The following TRAK1 variants were observed in gnomAD, a reference collection of about 807,000 sequenced individuals.
The protein encoded by TRAK1 is trafficking kinesin-binding protein 1.
A neutral mutation model predicts 92.1 loss-of-function variants in TRAK1; 33 were observed. The ratio of observed to expected loss-of-function variants is 0.36; its 90% CI spans 0.27 to 0.48. TRAK1 has a LOEUF of 0.48. Among genes scored for constraint, TRAK1 ranks in the 20% least tolerant of loss-of-function variants. The pLI, the probability that TRAK1 is intolerant of heterozygous loss-of-function variation, is 0.99. For missense variants in TRAK1, 1,123 were observed against 1,257.9 expected (o/e 0.89, Z 1.62); for synonymous variants, 521 against 517.3 (o/e 1.01, Z -0.10).
rs1301752089 is a variant in TRAK1, at chr3:42,223,427, G to T, written c.2552G>T (p.Gly851Val). The change falls in exon 16 of 16, where the codon GGG becomes GTG. Residue 851 changes from glycine (G) to valine (V), a missense_variant. Coordinates refer to ENST00000327628, the MANE Select transcript of TRAK1 (RefSeq NM_001042646.3). This position sits in a 1 kb window ranked among gnomAD's most constrained non-coding sequence, Gnocchi z 6.1. ...LNLVDKVRRF[G>V]VAKVVNSGRA... ...CTCGTGGACAAAGTCAGGAGGTTTG[G>T]GGTGGCCAAAGTGGTGAACTCAGGG... 1.2e-6 allele frequency: 2 copies of T among 1,613,994 alleles called. No homozygotes were observed. Among genetic ancestry groups the T allele is most frequent in the Admixed American group, 3.3e-5 (2 of 60,014 alleles).
Position 42,202,384 on chromosome 3 carries a change from T to C in TRAK1, c.1428-52T>C, listed in dbSNP as rs376957922. The stretch of plus-strand genomic sequence containing the variant: ...TGTGCATTGAGCAGTCGGGCCTCTG[T>C]GGCCTTGGAGCCCTGCTGGCATTCC... On this transcript the variant is annotated intron_variant, in intron 12 of 15. Coordinates refer to ENST00000327628, the MANE Select transcript of TRAK1 (RefSeq NM_001042646.3). This position sits in a 1 kb window ranked among gnomAD's most constrained non-coding sequence, Gnocchi z 6.1. 4.6e-5 allele frequency: 67 copies of C among 1,444,420 alleles called. No homozygotes were observed. The highest frequency in any genetic ancestry group is 9.9e-5 in the African/African-American group (7 of 70,488). The allele number at this position is 1,444,420 out of a possible 1,614,324, so 89.5% of individuals were successfully genotyped here. A position where few individuals can be genotyped will look rare whatever the true frequency, so the allele number is the denominator to read the frequency against.
rs573919048 is a variant in TRAK1, at chr3:42,218,232, T to A, written c.1964-1262T>A. 6 of 985,448 alleles carry A rather than the reference T, an allele frequency of 6.1e-6. No individual in the cohort carries two copies. In the South Asian group the frequency reaches 2.3e-4, roughly 39 times the overall value. 61.0% of individuals were successfully genotyped at this position (985,448 alleles called of 1,614,324 possible). ...TTCCTGGTTTTCTTTTAAGACATAG[T>A]CAACTGTGTGGACCTGTAGGTTTGG... On this transcript the variant is annotated intron_variant, in intron 14 of 15. Coordinates refer to ENST00000327628, the MANE Select transcript of TRAK1 (RefSeq NM_001042646.3).
At chr3:42,049,916 C>T (rs1386006894) in intron 1 of TRAK1, among the ~76,000 whole-genome samples, 1 of 152,160 alleles carries the variant, frequency 6.6e-6, no homozygotes, top group Non-Finnish European at 1.5e-5. Flanking sequence ...TGGTGTCTGT[C>T]TGCAAGTTGG....
At chr3:42,128,727 A>G (rs1317401906) in intron 2 of TRAK1, among the ~76,000 whole-genome samples, 1 of 152,256 alleles carries the variant, frequency 6.6e-6, no homozygotes, top group Non-Finnish European at 1.5e-5. Flanking sequence ...AGATATTTTC[A>G]TGTCATGCTT....
chr3:42,159,682 A>G (rs748523562), intron 2 of TRAK1, among the ~76,000 whole-genome samples: 2 of 152,182 alleles, frequency 1.3e-5, no homozygotes, highest in Non-Finnish European at 2.9e-5. Flanking sequence ...TCAAAGAAGG[A>G]CTGGGATGAA....
At chr3:42,101,208 C>A (rs1706709033) in intron 1 of TRAK1, among the ~76,000 whole-genome samples, 1 of 152,196 alleles carries the variant, frequency 6.6e-6, no homozygotes. Context: ...CCAACCACGC[C>A]ACACAGGCAT....
intron 3 of TRAK1, among the ~76,000 whole-genome samples, chr3:42,177,854 C>T (rs757210162): frequency 5.0e-4 from 76 of 152,112 alleles, no homozygotes; most frequent in Non-Finnish European, 8.2e-4. Context: ...GATCCTCTGA[C>T]GTGGGGAAGT....
chr3:42,080,889 T>C (rs1181298134), intron 1 of TRAK1, among the ~76,000 whole-genome samples: 1 of 152,306 alleles, frequency 6.6e-6, no homozygotes, highest in East Asian at 1.9e-4. Context: ...TACTCTTTTT[T>C]TTTGAGATAG....
At chr3:42,175,023 T>C (rs941877814) in intron 2 of TRAK1, among the ~76,000 whole-genome samples, 1 of 152,156 alleles carries the variant, frequency 6.6e-6, no homozygotes, top group Non-Finnish European at 1.5e-5. Context: ...TGAATCTTCT[T>C]GTACAGATAA....
rs1212602054 is a variant in TRAK1 at position 42,184,674 on chromosome 3, T to C, written c.364-11T>C. The C allele has an allele frequency of 1.2e-6, 2 of 1,613,242 alleles. No individual in the cohort carries two copies. The highest frequency in any genetic ancestry group is 2.2e-5 in the South Asian group (2 of 91,046). ...CTTTTGAATCTCTGTTCTCCCTCTT[T>C]CCTTTTGTAGAAAGAGCGGGATTTA... On this transcript the variant is annotated splice_polypyrimidine_tract_variant and intron_variant, in intron 3 of 15. Transcript: ENST00000327628.
At chr3:42,153,738 G>A (rs1270635655) in intron 2 of TRAK1, among the ~76,000 whole-genome samples, 1 of 152,176 alleles carries the variant, frequency 6.6e-6, no homozygotes, top group Non-Finnish European at 1.5e-5. Context: ...TGGCTGGTTC[G>A]TGAGTGTTTT....
chr3:42,053,549 G>A (rs1703075075), intron 1 of TRAK1, among the ~76,000 whole-genome samples: 3 of 151,842 alleles, frequency 2.0e-5, no homozygotes, highest in African/African-American at 7.3e-5. Context: ...GGTGTAGGCT[G>A]GAGAAATCAG....
chr3:42,204,119 A>C (rs1251445881), intron 13 of TRAK1: 1 of 985,668 alleles, frequency 1.0e-6, no homozygotes, highest in Non-Finnish European at 1.2e-6. Flanking sequence ...ATTTAGTTGT[A>C]AGCTTGGTGA....
chr3:42,180,839 C>A (rs1342225035), intron 3 of TRAK1, among the ~76,000 whole-genome samples: 1 of 151,826 alleles, frequency 6.6e-6, no homozygotes, highest in African/African-American at 2.4e-5. Context: ...TTGTAACCAC[C>A]CTATTGTGCT....
intron 1 of TRAK1, among the ~76,000 whole-genome samples, chr3:42,038,661 G>T (rs1028051806): frequency 6.6e-6 from 1 of 151,786 alleles, no homozygotes; most frequent in Admixed American, 6.6e-5. Context: ...GGTGGCGGGC[G>T]CCTGTAATCC....
At chr3:42,126,448 G>T (rs1319036951) in intron 2 of TRAK1, among the ~76,000 whole-genome samples, 1 of 152,134 alleles carries the variant, frequency 6.6e-6, no homozygotes, top group Non-Finnish European at 1.5e-5. Flanking sequence ...CAGTAAACTA[G>T]GTGAGTGTTT....
chr3:42,103,854 A>G (rs901542215), intron 1 of TRAK1, among the ~76,000 whole-genome samples: 12 of 152,276 alleles, frequency 7.9e-5, no homozygotes, highest in South Asian at 2.1e-4. Flanking sequence ...GGTGCAGCCC[A>G]TGGAGCAGGA....
At chr3:42,120,341 A>G (rs774869057) in intron 1 of TRAK1, among the ~76,000 whole-genome samples, 1 of 152,070 alleles carries the variant, frequency 6.6e-6, no homozygotes, top group Non-Finnish European at 1.5e-5. Context: ...TGACTTGTTT[A>G]CATTAGCTTG....
intron 13 of TRAK1, among the ~76,000 whole-genome samples, chr3:42,206,425 G>C (rs904961729): frequency 6.6e-6 from 1 of 152,226 alleles, no homozygotes; most frequent in Admixed American, 6.5e-5. Context: ...GCTCTCATGT[G>C]TAAGGCCTGT....
Sources: allele counts gnomAD v4.1 joint callset (sites outside exome capture counted in the v4.1 genomes callset), GRCh38; gene constraint gnomAD v4.1.1; non-coding constraint Gnocchi (gnomAD v3.1); transcripts MANE v1.5; gene names NCBI Gene and HGNC (gene_info 2026-07-23, HGNC 2026-07-21).